The following CRB1 variants were observed in gnomAD, a reference collection of about 807,000 sequenced individuals.
CRB1 encodes the protein crumbs cell polarity complex component 1, also known as protein crumbs homolog 1.
In CRB1, 83 loss-of-function variants were observed where a neutral mutation model predicts 120.0. The observed-to-expected ratio is 0.69, with a 90% CI of 0.58 to 0.83. The LOEUF (loss-of-function observed/expected upper bound fraction) is 0.83. Among genes scored for constraint, CRB1 ranks in the 40% least tolerant of loss-of-function variants. The pLI is 0.00. For synonymous variants in CRB1, 625 were observed against 612.5 expected, an observed-to-expected ratio of 1.02 and a Z score of -0.30; for missense variants, 1,699 against 1,687.6, an observed-to-expected ratio of 1.01 and a Z score of -0.12.
chr1:197,445,807 A>C (rs999023584), intron 11 of CRB1, among the ~76,000 whole-genome samples: 2 of 152,182 alleles, frequency 1.3e-5, no homozygotes, highest in African/African-American at 4.8e-5. Flanking sequence ...ATGTATGTCT[A>C]CTATTTGCCA....
intron 2 of CRB1, among the ~76,000 whole-genome samples, chr1:197,342,292 C>T (rs1659511782): frequency 6.6e-6 from 1 of 152,164 alleles, no homozygotes; most frequent in Non-Finnish European, 1.5e-5. Context: ...TGTCGCCTGG[C>T]CTTTCCATAC....
intron 5 of CRB1, among the ~76,000 whole-genome samples, chr1:197,370,269 T>C (rs1332231562): frequency 6.6e-6 from 1 of 152,120 alleles, no homozygotes; most frequent in East Asian, 1.9e-4. Context: ...TTTATACTTT[T>C]GTTGACAGAA....
At chr1:197,348,953 G>T (rs1659936196) in intron 4 of CRB1, among the ~76,000 whole-genome samples, 1 of 152,126 alleles carries the variant, frequency 6.6e-6, no homozygotes, top group Admixed American at 6.6e-5. Flanking sequence ...TAAGCATACA[G>T]TATTTATAAA....
At chr1:197,204,783 C>T in the CRB1 span, among the ~76,000 whole-genome samples, 2 of 152,080 alleles carry the variant, frequency 1.3e-5, no homozygotes, top group African/African-American at 4.8e-5. Flanking sequence ...TTTAATTAAA[C>T]CCCATCTATT....
At position 197,478,273 on chromosome 1, in the gene CRB1, G is replaced by T; in HGVS notation, c.*394G>T. On this transcript the variant is annotated 3_prime_UTR_variant, in exon 12 of 12. Coordinates refer to ENST00000367400, the MANE Select transcript of CRB1 (RefSeq NM_201253.3). ...TGTGTAAACTGCCATATGTTTACATGGAAACTACAGGAAAAAATTGGCTAC... is the reference window on the plus strand; with the variant it reads ...TGTGTAAACTGCCATATGTTTACATTGAAACTACAGGAAAAAATTGGCTAC... The T allele has an allele frequency of 3.8e-6, 1 of 265,958 alleles. No homozygotes were observed. The highest frequency in any genetic ancestry group is 7.3e-6 in the Non-Finnish European group (1 of 136,224). The allele number at this position is 265,958 out of a possible 1,614,324, so 16.5% of individuals were successfully genotyped here.
chr1:197,373,250 G>A (rs72740550), intron 5 of CRB1, among the ~76,000 whole-genome samples: 25,263 of 152,144 alleles, frequency 0.17, 2,617 homozygotes, highest in Middle Eastern at 0.34. Flanking sequence ...ACTTAGTCCA[G>A]TTAGGTTACT....
the CRB1 span, among the ~76,000 whole-genome samples, chr1:197,203,538 T>G: frequency 5.3e-5 from 8 of 152,170 alleles, no homozygotes; most frequent in African/African-American, 1.9e-4. Flanking sequence ...TTGGCCAGGC[T>G]GGTCTTGAAC....
Position 197,276,987 on chromosome 1 carries a change from T to C in CRB1, c.70+8505T>C, listed in dbSNP as rs865896758. Among the ~76,000 whole-genome samples, 6 of 152,018 alleles carry C rather than the reference T, an allele frequency of 3.9e-5. 1 individual carries two copies. Among genetic ancestry groups the C allele is most frequent in the Middle Eastern group, 6.8e-3 (2 of 294 alleles). On this transcript the variant is annotated intron_variant, in intron 1 of 11. Transcript: ENST00000367400. ...GCTTATTTATTCCAAAAGATAAACA[T>C]TGAGGAATTTAAAAGGCCAGTTATT...
rs1665723978 is a variant in CRB1 at position 197,446,833 on chromosome 1, G to A, written c.4005+4541G>A. On this transcript the variant is annotated intron_variant, in intron 11 of 11. Coordinates refer to ENST00000367400, the MANE Select transcript of CRB1 (RefSeq NM_201253.3). The stretch of plus-strand genomic sequence containing the variant: ...GGATAATATTTTTAATATCTTTGTT[G>A]ATTGGATAAATGAATGAATTTAAGA... 3.3e-5 allele frequency among the ~76,000 whole-genome samples: 5 copies of A among 152,080 alleles called. No individual in the cohort carries two copies. In the South Asian group the frequency reaches 1.0e-3, roughly 32 times the overall value.
chr1:197,334,643 G>A (rs1659049450), intron 2 of CRB1, among the ~76,000 whole-genome samples: 1 of 152,122 alleles, frequency 6.6e-6, no homozygotes, highest in African/African-American at 2.4e-5. Flanking sequence ...TAAACATCCG[G>A]AGCTAAGAGA....
At chr1:197,329,499 G>T (rs1389480347) in intron 2 of CRB1, among the ~76,000 whole-genome samples, 1 of 152,138 alleles carries the variant, frequency 6.6e-6, no homozygotes, top group South Asian at 2.1e-4. Flanking sequence ...AAGAAAAAAA[G>T]CCTGTTCTTG....
In CRB1 at chr1:197,427,497, T is replaced by C. The variant is rs752824817; in HGVS notation, c.2172T>C (p.Tyr724=). The C allele has an allele frequency of 1.2e-6, 2 of 1,613,876 alleles. No homozygotes were observed. Among genetic ancestry groups the C allele is most frequent in the Non-Finnish European group, 1.7e-6 (2 of 1,179,966 alleles). The part of the protein sequence containing the change: ...GRFGQDDSTG[Y]VIFTLDESYG... The stretch of plus-strand genomic sequence containing the variant: ...TTGGCCAGGATGACTCCACTGGTTA[T>C]GTCATCTTTACTCTTGATGAGAGCT... Residue 724 remains tyrosine (Y), a synonymous_variant, in exon 7 of 12, where the codon TAT becomes TAC. Coordinates refer to ENST00000367400, the MANE Select transcript of CRB1 (RefSeq NM_201253.3).
In CRB1 at chr1:197,280,280, G is replaced by A. The variant is rs144705261; in HGVS notation, c.70+11798G>A. Among the ~76,000 whole-genome samples the A allele has an allele frequency of 2.7e-3, 410 of 151,878 alleles. 2 individuals carry two copies. Among genetic ancestry groups the A allele is most frequent in the Non-Finnish European group, 4.5e-3 (306 of 67,866 alleles). On this transcript the variant is annotated intron_variant, in intron 1 of 11. Transcript: ENST00000367400. ...ATTAATGTAAATATAATTGTTAATC[G>A]TAAATCAGAAAAACATAAGGGAGAG...
intron 3 of CRB1, among the ~76,000 whole-genome samples, chr1:197,346,129 C>G (rs1412718949): frequency 2.0e-5 from 3 of 152,174 alleles, no homozygotes; most frequent in African/African-American, 7.2e-5. Context: ...CTTTTATTCT[C>G]CTCACTTGAA....
At chr1:197,213,356 T>C in the CRB1 span, among the ~76,000 whole-genome samples, 1 of 152,138 alleles carries the variant, frequency 6.6e-6, no homozygotes, top group Non-Finnish European at 1.5e-5. Context: ...CAAAAAGATA[T>C]CCTGGCATTT....
chr1:197,211,227 C>T, the CRB1 span, among the ~76,000 whole-genome samples: 1 of 152,016 alleles, frequency 6.6e-6, no homozygotes, highest in Non-Finnish European at 1.5e-5. Flanking sequence ...TTTTGTGAAC[C>T]ACACCAAATA....
chr1:197,230,350 G>C, the CRB1 span, among the ~76,000 whole-genome samples: 4 of 152,098 alleles, frequency 2.6e-5, no homozygotes, highest in African/African-American at 9.7e-5. Flanking sequence ...GTGTAAATTT[G>C]TGTAAATCAC....
At chr1:197,391,733 G>A (rs374815734) in intron 5 of CRB1, among the ~76,000 whole-genome samples, 16 of 152,150 alleles carry the variant, frequency 1.1e-4, no homozygotes, top group African/African-American at 3.9e-4. Context: ...GTTCTCAGAA[G>A]TGTGCTGACA....
At chr1:197,335,383 G>A (rs1427475216) in intron 2 of CRB1, among the ~76,000 whole-genome samples, 1 of 152,200 alleles carries the variant, frequency 6.6e-6, no homozygotes, top group Non-Finnish European at 1.5e-5. Flanking sequence ...TACACTGCAG[G>A]GGGCGATAAG....
Sources: gnomAD v4.1 joint callset for allele counts (sites outside exome capture counted in the v4.1 genomes callset) on GRCh38, gnomAD v4.1.1 for gene constraint, MANE v1.5 for transcripts, NCBI Gene and HGNC (gene_info 2026-07-23, HGNC 2026-07-21) for gene names.